Variants in UBE2V2 observed in about 807,000 individuals in gnomAD.
UBE2V2 encodes ubiquitin-conjugating enzyme E2 variant 2.
Under a neutral mutation model 17.2 loss-of-function variants are expected in UBE2V2, and 9 were observed. The observed-to-expected ratio is 0.52, with a 90% CI of 0.32 to 0.91. UBE2V2 has a LOEUF of 0.91. UBE2V2 is among the 40% of genes least tolerant of loss of function. The probability of loss-of-function intolerance (pLI) is 0.04; values close to 1 mark genes in which losing one functional copy is unlikely to be tolerated. For synonymous variants in UBE2V2, 61 were observed against 57.5 expected (o/e 1.06, Z -0.28); for missense variants, 133 against 182.6 (o/e 0.73, Z 1.56).
At chr8:47,997,476 G>A in the UBE2V2 span, among the ~76,000 whole-genome samples, 1 of 152,002 alleles carries the variant, frequency 6.6e-6, no homozygotes, top group Non-Finnish European at 1.5e-5. Context: ...CATGGGCCTG[G>A]GCTGCAAGTC....
intron 1 of UBE2V2, among the ~76,000 whole-genome samples, chr8:48,038,788 G>A (rs1589860032): frequency 6.6e-6 from 1 of 151,526 alleles, no homozygotes; most frequent in East Asian, 2.0e-4. Flanking sequence ...GCCACCCAGC[G>A]AGTTTTTTGT....
intron 1 of UBE2V2, among the ~76,000 whole-genome samples, chr8:48,025,259 T>C (rs2091333567): frequency 6.7e-6 from 1 of 150,214 alleles, no homozygotes; most frequent in Non-Finnish European, 1.5e-5. Context: ...AAATCTGTGA[T>C]TTTCTTTTCT....
chr8:48,058,592 A>AG (rs1034756661), intron 3 of UBE2V2, among the ~76,000 whole-genome samples: 2 of 151,498 alleles, frequency 1.3e-5, no homozygotes, highest in Non-Finnish European at 2.9e-5. Context: ...AAAAAAAAAA[A>AG]GAAAATATAA....
chr8:48,008,325 G>T, upstream of UBE2V2: 1 of 1,274,438 alleles, frequency 7.8e-7, no homozygotes, highest in Non-Finnish European at 1.0e-6. Flanking sequence ...CGTGCGCGCT[G>T]TCCCTCGGGT....
intron 3 of UBE2V2, among the ~76,000 whole-genome samples, chr8:48,056,592 A>C (rs562240287): frequency 1.3e-5 from 2 of 152,186 alleles, no homozygotes; most frequent in Non-Finnish European, 2.9e-5. Context: ...GGGTTTCGTC[A>C]TCTTGGCCAG....
chr8:48,048,446 C>T (rs1488336135), intron 2 of UBE2V2, among the ~76,000 whole-genome samples: 2 of 152,046 alleles, frequency 1.3e-5, no homozygotes, highest in African/African-American at 2.4e-5. Context: ...GTTTCCATTT[C>T]GCTTGGGTAA....
intron 3 of UBE2V2, among the ~76,000 whole-genome samples, chr8:48,050,683 C>T (rs1396576188): frequency 9.7e-5 from 14 of 144,688 alleles, no homozygotes; most frequent in African/African-American, 3.6e-4. Context: ...AGCGAAACTC[C>T]GTCTCAAAAA....
At chr8:48,056,133 G>A (rs2091570265) in intron 3 of UBE2V2, among the ~76,000 whole-genome samples, 1 of 152,140 alleles carries the variant, frequency 6.6e-6, no homozygotes, top group Admixed American at 6.5e-5. Flanking sequence ...GTTCTTTGGC[G>A]ACTTAACGTA....
chr8:48,035,107 CTTTTTT>C (rs578114987), intron 1 of UBE2V2: 261 of 854,268 alleles, frequency 3.1e-4, no homozygotes, highest in South Asian at 4.0e-4. Flanking sequence ...CCTATTTATT[CTTTTTT>C]TTTTTTTTTT....
chr8:48,040,946 G>T (rs1472332938), intron 1 of UBE2V2, among the ~76,000 whole-genome samples: 1 of 127,714 alleles, frequency 7.8e-6, no homozygotes, highest in Non-Finnish European at 1.6e-5. Context: ...CTCACTGCAA[G>T]CTCTGCCTCC....
intron 2 of UBE2V2, among the ~76,000 whole-genome samples, chr8:48,047,815 C>CT (rs1415289711): frequency 4.6e-5 from 7 of 152,050 alleles, no homozygotes; most frequent in African/African-American, 1.7e-4. Context: ...TCCCAAAGGG[C>CT]TGGGATTACA....
intron 1 of UBE2V2, among the ~76,000 whole-genome samples, chr8:48,040,420 G>A (rs1163375048): frequency 1.3e-5 from 2 of 152,092 alleles, no homozygotes. Flanking sequence ...CTGATACCAA[G>A]ATTGCATTTG....
chr8:48,050,077 G>C, intron 3 of UBE2V2, 99 bp downstream of exon 3: 1 of 909,764 alleles, frequency 1.1e-6, no homozygotes, highest in South Asian at 3.9e-5. Flanking sequence ...TTAATATGTA[G>C]TTAGGAGAAA....
intron 1 of UBE2V2, among the ~76,000 whole-genome samples, chr8:48,028,411 T>G (rs1409655617): frequency 1.3e-5 from 2 of 150,848 alleles, no homozygotes. Flanking sequence ...CAATCTTGGC[T>G]CACTGCAACC....
chr8:48,053,466 C>T (rs542102136), intron 3 of UBE2V2, among the ~76,000 whole-genome samples: 1 of 149,806 alleles, frequency 6.7e-6, no homozygotes, highest in Non-Finnish European at 1.5e-5. Flanking sequence ...CTCTGTCTCC[C>T]AGGCTGGAGT....
intron 1 of UBE2V2, among the ~76,000 whole-genome samples, chr8:48,028,290 C>G (rs898440404): frequency 6.6e-6 from 1 of 151,932 alleles, no homozygotes; most frequent in Admixed American, 6.6e-5. Flanking sequence ...ACGTTAGCCT[C>G]CAGAGTAGTT....
At chr8:48,011,951 C>T (rs1008353759) in intron 1 of UBE2V2, among the ~76,000 whole-genome samples, 4 of 152,160 alleles carry the variant, frequency 2.6e-5, no homozygotes, top group African/African-American at 4.8e-5. Context: ...CCTGGCCAGA[C>T]GGAGACTTCT....
rs1355731247 is a variant in UBE2V2 at position 48,063,824 on chromosome 8, G to C, written c.*2996G>C. The C allele has an allele frequency of 1.3e-5, 2 of 152,098 alleles. No homozygotes were observed. The highest frequency in any genetic ancestry group is 2.9e-5 in the Non-Finnish European group (2 of 68,016). 9.4% of individuals were successfully genotyped at this position (152,098 alleles called of 1,614,324 possible). On this transcript the variant is annotated 3_prime_UTR_variant, in exon 4 of 4. Transcript: ENST00000523111. The stretch of plus-strand genomic sequence containing the variant: ...AGGTTTTCGCAGAGTAGATTTGTTT[G>C]ACTCATGGTTTATTAGTCTGGATTA...
intron 1 of UBE2V2, among the ~76,000 whole-genome samples, chr8:48,040,844 G>GGT (rs2091457093): frequency 1.3e-5 from 1 of 74,106 alleles, no homozygotes; most frequent in Non-Finnish European, 2.4e-5. Context: ...GCCAGGCTGG[G>GGT]TTTTTTTTTT....
Sources: allele counts gnomAD v4.1 joint callset (sites outside exome capture counted in the v4.1 genomes callset), GRCh38; gene constraint gnomAD v4.1.1; transcripts MANE v1.5; gene names NCBI Gene and HGNC (gene_info 2026-07-23, HGNC 2026-07-21).